Variants in DIDO1 observed in about 807,000 individuals in gnomAD.
DIDO1 encodes death-inducer obliterator 1.
Under a neutral mutation model 99.4 loss-of-function variants are expected in DIDO1, and 16 were observed. The observed-to-expected ratio is 0.16, with a 90% CI of 0.11 to 0.24. The LOEUF is 0.24. DIDO1 is among the 10% of genes least tolerant of loss of function. The pLI is 1.00. For synonymous variants in DIDO1, 1,366 were observed against 1,239.1 expected (o/e 1.10, Z -2.15); for missense variants, 2,996 against 3,014.0 (o/e 0.99, Z 0.14).
intron 12 of DIDO1, 142 bp downstream of exon 12, chr20:62,893,524 C>CT (rs2064442950): frequency 9.7e-7 from 1 of 1,032,160 alleles, no homozygotes; most frequent in African/African-American, 1.6e-5. Context: ...CACCCTACAA[C>CT]TGGGGCTTTT....
chr20:62,909,828 A>ATCT lies in DIDO1; in HGVS notation c.1029_1031dup (p.Gly343_Asp344insGlu), dbSNP rs767905820. The ATCT allele has an allele frequency of 5.0e-6, 8 of 1,614,222 alleles. No homozygotes were observed. In the East Asian group the frequency reaches 6.7e-5, roughly 13 times the overall value. ...TACTTGTACAATCGGTGCCATCAGCATCTCCAGGTCTCCATTTAGCTTCCT... is the reference window on the plus strand; with the variant it reads ...TACTTGTACAATCGGTGCCATCAGCATCTTCTCCAGGTCTCCATTTAGCTTCCT... On this transcript the variant is annotated inframe_insertion, in exon 4 of 16. Coordinates refer to ENST00000395343, the MANE Select transcript of DIDO1 (RefSeq NM_001193369.2).
Position 62,879,614 on chromosome 20 carries a change from C to T in DIDO1, c.6342G>A (p.Arg2114=), listed in dbSNP as rs573546272. Residue 2114 remains arginine, a synonymous_variant, in exon 16 of 16, where the codon AGG becomes AGA. Transcript: ENST00000395343. This position sits in a 1 kb window ranked among gnomAD's most constrained non-coding sequence, Gnocchi z 6.3. ...AGTTTCGGCCGCGCTCGCGCTCTCT[C>T]CTCCTGTCCTCGGACGCCCGGCCCT... is the stretch of plus-strand genomic sequence containing the variant. ...DAQGRASEDR[R]RERERGRNWS... 100 of 1,604,832 alleles carry T rather than the reference C, an allele frequency of 6.2e-5. No individual in the cohort carries two copies. The South Asian group carries it at 1.0e-3, about 17-fold the overall frequency.
chr20:62,932,031 C>T (rs2065336957), intron 1 of DIDO1, among the ~76,000 whole-genome samples: 1 of 152,172 alleles, frequency 6.6e-6, no homozygotes, highest in African/African-American at 2.4e-5. Context: ...AAAAGACACC[C>T]AAATGGGAAC....
intron 1 of DIDO1, among the ~76,000 whole-genome samples, chr20:62,917,331 G>C (rs754577650): frequency 6.6e-6 from 1 of 152,102 alleles, no homozygotes; most frequent in East Asian, 1.9e-4. Flanking sequence ...TCACCTGGCC[G>C]ATAATGTCGG....
intron 1 of DIDO1, among the ~76,000 whole-genome samples, chr20:62,919,403 G>T (rs570388635): frequency 1.3e-5 from 2 of 152,114 alleles, no homozygotes; most frequent in Non-Finnish European, 2.9e-5. Context: ...AGCAGGGCTT[G>T]GTGGCAGGTG....
In DIDO1 at chr20:62,881,318, G is replaced by A. The variant is rs747113577; in HGVS notation, c.4638C>T (p.Ala1546=). 2.0e-5 allele frequency: 32 copies of A among 1,604,552 alleles called. No homozygotes were observed. The highest frequency in any genetic ancestry group is 2.6e-5 in the Non-Finnish European group (31 of 1,179,940). ...QQEQQSADKP[A]SLPPASQASN... is the part of the protein sequence containing the mutation. The stretch of plus-strand genomic sequence containing the variant: ...ACGCCTGGCTGGCGGGGGGCAGTGA[G>A]GCGGGCTTGTCTGCAGACTGCTGCT... Residue 1546 remains alanine, a synonymous_variant, in exon 16 of 16, where the codon GCC becomes GCT. Coordinates refer to ENST00000395343, the MANE Select transcript of DIDO1 (RefSeq NM_001193369.2). The surrounding 1 kb of genome is among the most constrained non-coding windows in gnomAD (Gnocchi z 8.3).
chr20:62,887,546 G>A (rs1025589689), intron 15 of DIDO1: 66 of 985,326 alleles, frequency 6.7e-5, no homozygotes, highest in Non-Finnish European at 7.7e-5. Flanking sequence ...AGAACAGACT[G>A]TGCACCCATG....
Position 62,895,590 on chromosome 20 carries a change from T to C in DIDO1, c.2215-425A>G, listed in dbSNP as rs147983313. ...TGTTTAGGGCTGTTCAATGGTGAGA[T>C]GCAAAGTCAGGGTATTTCATTATCC... On this transcript the variant is annotated intron_variant, in intron 8 of 15. Transcript: ENST00000395343. 8.7e-3 allele frequency among the ~76,000 whole-genome samples: 1,330 copies of C among 152,374 alleles called. 10 individuals carry two copies. Among genetic ancestry groups the C allele is most frequent in the Non-Finnish European group, 0.014 (982 of 68,032 alleles).
rs1568825572 is a variant in DIDO1, at chr20:62,881,585, C to T, written c.4371G>A (p.Val1457=). 6.2e-7 allele frequency: 1 copy of T among 1,611,546 alleles called. No homozygotes were observed. Among genetic ancestry groups the T allele is most frequent in the South Asian group, 1.1e-5 (1 of 91,088 alleles). The part of the protein sequence containing the change: ...RMCADVRRNS[V]ERPAEPVAGA... ...CGGCCACCGGCTCGGCAGGCCTCTCCACGGAGTTCCTTCTCACGTCGGCAC... is the reference window on the plus strand; with the variant it reads ...CGGCCACCGGCTCGGCAGGCCTCTCTACGGAGTTCCTTCTCACGTCGGCAC... Residue 1457 remains valine, a synonymous_variant, in exon 16 of 16, where the codon GTG becomes GTA. Coordinates refer to ENST00000395343, the MANE Select transcript of DIDO1 (RefSeq NM_001193369.2). The surrounding 1 kb of genome is among the most constrained non-coding windows in gnomAD (Gnocchi z 8.3).
At chr20:62,898,129 C>G (rs1439625139) in intron 6 of DIDO1, among the ~76,000 whole-genome samples, 4 of 152,222 alleles carry the variant, frequency 2.6e-5, no homozygotes, top group Non-Finnish European at 5.9e-5. Context: ...TACCCAGGGA[C>G]TGAAAATCAA....
Position 62,894,189 on chromosome 20 carries a change from C to G in DIDO1, c.2578G>C (p.Val860Leu), listed in dbSNP as rs1013494295. 1 of 1,612,158 alleles carries G rather than the reference C, an allele frequency of 6.2e-7. No homozygotes were observed. Among genetic ancestry groups the G allele is most frequent in the African/African-American group, 1.3e-5 (1 of 74,960 alleles). ...GCTGGCTCATCTTCTGCGGAGGGAA[C>G]CTGGCCTGAAGAAGGCGAGGAAAGG... Reference protein sequence around the residue: ...DLNCKICTGQVPSAEDEPAPK... With the variant: ...DLNCKICTGQLPSAEDEPAPK... The change falls in exon 12 of 16, where the codon GTT (valine) becomes CTT (leucine). Residue 860 changes from valine (V) to leucine (L), a missense_variant. Val to Leu is a conservative substitution (Grantham distance 32). Coordinates refer to ENST00000395343, the MANE Select transcript of DIDO1 (RefSeq NM_001193369.2). This position sits in a 1 kb window ranked among gnomAD's most constrained non-coding sequence, Gnocchi z 4.4.
At chr20:62,932,593 C>G (rs1028255487) in intron 1 of DIDO1, among the ~76,000 whole-genome samples, 2 of 152,198 alleles carry the variant, frequency 1.3e-5, no homozygotes, top group Admixed American at 1.3e-4. Context: ...ACTCTTTGGC[C>G]TTTCCCACTG....
rs371117717 is a variant in DIDO1 at position 62,894,234 on chromosome 20, G to A, written c.2573-40C>T. ...GAAAGGCTCTGTGAGAAACCCAGCC[G>A]GCACACTGGTGTTTCTCACACAAAG... On this transcript the variant is annotated intron_variant, in intron 11 of 15. Coordinates refer to ENST00000395343, the MANE Select transcript of DIDO1 (RefSeq NM_001193369.2). The surrounding 1 kb of genome is among the most constrained non-coding windows in gnomAD (Gnocchi z 4.4). 7.5e-6 allele frequency: 12 copies of A among 1,596,562 alleles called. No homozygotes were observed. In the African/African-American group the frequency reaches 9.4e-5, roughly 13 times the overall value.
rs1344969773 is a variant in DIDO1 at position 62,881,193 on chromosome 20, C to A, written c.4763G>T (p.Gly1588Val). ...LSRLSARGAQ[G>V]ALPERDASRG... ...GGAAGCATCTCTCTCGGGCAGGGCACCCTGGGCACCACGTGCCGAGAGCCT... is the reference window on the plus strand; with the variant it reads ...GGAAGCATCTCTCTCGGGCAGGGCAACCTGGGCACCACGTGCCGAGAGCCT... Residue 1588 changes from glycine to valine, a missense_variant, in exon 16 of 16, where the codon GGT becomes GTT. Physicochemically the swap from Gly to Val is moderately radical, Grantham distance 109. Transcript: ENST00000395343. This position sits in a 1 kb window ranked among gnomAD's most constrained non-coding sequence, Gnocchi z 8.3. The A allele has an allele frequency of 6.2e-7, 1 of 1,607,352 alleles. No individual in the cohort carries two copies. The highest frequency in any genetic ancestry group is 8.5e-7 in the Non-Finnish European group (1 of 1,179,162).
Position 62,911,205 on chromosome 20 carries a change from T to C in DIDO1, c.408A>G (p.Pro136=), listed in dbSNP as rs36034272. 2,115 of 1,613,826 alleles carry C rather than the reference T, an allele frequency of 1.3e-3. 28 individuals are homozygous for C. The African/African-American group carries it at 0.026, about 20-fold the overall frequency. ...QSASTAVKER[P]ASSEKVKGGD... is the part of the protein sequence containing the mutation. ...CTCCTTTCACCTTTTCAGAAGAGGC[T>C]GGTCGTTCCTTCACAGCTGTGGAAG... Residue 136 remains proline, a synonymous_variant, in exon 3 of 16, where the codon CCA becomes CCG. Transcript: ENST00000395343. The surrounding 1 kb of genome is among the most constrained non-coding windows in gnomAD (Gnocchi z 7.0).
At chr20:62,895,237 C>A (rs915196321) in intron 8 of DIDO1, 72 bp from the exon 9 acceptor site, 3 of 1,401,568 alleles carry the variant, frequency 2.1e-6, no homozygotes, top group Non-Finnish European at 3.0e-6. Context: ...TTCTGGAAAA[C>A]ACAGCTGCCC....
intron 15 of DIDO1, 152 bp from the exon 16 acceptor site, chr20:62,882,566 C>T (rs2064227272): frequency 1.3e-6 from 1 of 750,936 alleles, no homozygotes; most frequent in Non-Finnish European, 2.0e-6. Context: ...AAGACAGTTG[C>T]AAAAGCCTGG....
intron 1 of DIDO1, among the ~76,000 whole-genome samples, chr20:62,921,531 T>A (rs2065135770): frequency 6.6e-6 from 1 of 152,140 alleles, no homozygotes; most frequent in South Asian, 2.1e-4. Flanking sequence ...GATTGCCAAG[T>A]GAGATGATGG....
chr20:62,926,046 C>CA (rs1265746071), intron 1 of DIDO1, among the ~76,000 whole-genome samples: 5 of 152,166 alleles, frequency 3.3e-5, no homozygotes, highest in Admixed American at 3.3e-4. Flanking sequence ...GCTTACAAGC[C>CA]AGCTACGCAG....
Sources: gnomAD v4.1 joint callset for allele counts (sites outside exome capture counted in the v4.1 genomes callset) on GRCh38, gnomAD v4.1.1 for gene constraint, Gnocchi (gnomAD v3.1) non-coding constraint, MANE v1.5 for transcripts, NCBI Gene and HGNC (gene_info 2026-07-23, HGNC 2026-07-21) for gene names.